Variants in FREM2 observed in about 807,000 individuals in gnomAD.
The protein encoded by FREM2 is FRAS1 related extracellular matrix 2, also known as FRAS1-related extracellular matrix protein 2.
In FREM2, 119 loss-of-function variants were observed where a neutral mutation model predicts 219.9. That is an observed-to-expected ratio of 0.54 (90% CI 0.47 to 0.63). FREM2 has a LOEUF of 0.63. Ranked by LOEUF, FREM2 falls within the 30% of genes least tolerant of loss-of-function variation. FREM2 has a pLI of 0.00. For missense variants in FREM2, 4,030 were observed against 3,993.6 expected, an observed-to-expected ratio of 1.01 and a Z score of -0.25; for synonymous variants, 1,562 against 1,522.8, an observed-to-expected ratio of 1.03 and a Z score of -0.60.
At chr13:38,851,597 C>T in intron 10 of FREM2, 89 bp from the exon 11 acceptor site, 1 of 1,015,878 alleles carries the variant, frequency 9.8e-7, no homozygotes, top group Non-Finnish European at 1.5e-6. Flanking sequence ...GTCATTTATC[C>T]CCTCCCACAT....
At chr13:38,768,678 AT>A (rs1403790088) in intron 3 of FREM2, among the ~76,000 whole-genome samples, 1 of 152,188 alleles carries the variant, frequency 6.6e-6, no homozygotes, top group Middle Eastern at 3.2e-3. Context: ...AACTTGACTC[AT>A]TAAGAGGTTC....
chr13:38,790,355 T>G (rs934280796), intron 6 of FREM2, among the ~76,000 whole-genome samples: 7 of 152,202 alleles, frequency 4.6e-5, no homozygotes, highest in Non-Finnish European at 1.0e-4. Flanking sequence ...CTCATTTAGC[T>G]AGTACTCTAT....
At chr13:38,804,522 C>A (rs547755512) in intron 6 of FREM2, among the ~76,000 whole-genome samples, 2 of 151,958 alleles carry the variant, frequency 1.3e-5, no homozygotes, top group African/African-American at 4.8e-5. Context: ...AAAATATAGG[C>A]CAAGAACTCA....
At chr13:38,875,974 T>C (rs768303280) in intron 18 of FREM2, 48 bp from the exon 19 acceptor site, 2 of 1,547,262 alleles carry the variant, frequency 1.3e-6, no homozygotes, top group East Asian at 4.5e-5. Flanking sequence ...TATGCACTCT[T>C]TTAATTGAAC....
At chr13:38,768,410 A>G (rs768517105) in intron 3 of FREM2, among the ~76,000 whole-genome samples, 3 of 151,944 alleles carry the variant, frequency 2.0e-5, no homozygotes, top group Non-Finnish European at 4.4e-5. Context: ...CCCAGTAGCA[A>G]GGACTACAGG....
intron 6 of FREM2, among the ~76,000 whole-genome samples, chr13:38,786,246 G>A (rs893540632): frequency 2.6e-5 from 4 of 151,996 alleles, no homozygotes; most frequent in South Asian, 2.1e-4. Context: ...CTACCTTTGT[G>A]TATCATTGTG....
At chr13:38,795,999 T>C (rs538096664) in intron 6 of FREM2, among the ~76,000 whole-genome samples, 2 of 146,694 alleles carry the variant, frequency 1.4e-5, no homozygotes, top group Non-Finnish European at 3.1e-5. Context: ...TTCTTTCTTT[T>C]TTCTTTCTTT....
intron 2 of FREM2, among the ~76,000 whole-genome samples, chr13:38,716,799 C>T (rs1304934252): frequency 3.3e-5 from 5 of 152,196 alleles, no homozygotes; most frequent in East Asian, 1.9e-4. Context: ...TGAGCCACCG[C>T]GCCTGGCCTG....
intron 4 of FREM2, among the ~76,000 whole-genome samples, chr13:38,778,233 G>C (rs1873956640): frequency 6.6e-6 from 1 of 152,158 alleles, no homozygotes; most frequent in African/African-American, 2.4e-5. Context: ...AAATGCCACA[G>C]ACTGGGGTGG....
intron 6 of FREM2, among the ~76,000 whole-genome samples, chr13:38,843,089 A>T (rs762306791): frequency 5.3e-5 from 8 of 152,186 alleles, no homozygotes; most frequent in Admixed American, 1.3e-4. Flanking sequence ...CTGCTCACAG[A>T]CAATTTGGAT....
intron 6 of FREM2, among the ~76,000 whole-genome samples, chr13:38,839,737 G>C (rs766639845): frequency 6.6e-6 from 1 of 152,098 alleles, no homozygotes; most frequent in Non-Finnish European, 1.5e-5. Flanking sequence ...GAGCTTCCTG[G>C]AGGCTTTTTT....
At position 38,850,158 on chromosome 13, in the gene FREM2, G is replaced by A. The variant is rs974848109; in HGVS notation, c.6500G>A (p.Arg2167Gln). The change falls in exon 9 of 24, where the codon CGG becomes CAG. Residue 2167 changes from arginine (R) to glutamine (Q), a missense_variant. Arg to Gln is a conservative substitution (Grantham distance 43). Coordinates refer to ENST00000280481, the MANE Select transcript of FREM2 (RefSeq NM_207361.6). ...QYRSSVRCYT[R>Q]QGSAQVMMDF... ...AGATCTTCAGTGAGATGCTACACCC[G>A]GCAGGGGTCTGCACAGGTGATGATG... 25 of 1,613,890 alleles carry A rather than the reference G, an allele frequency of 1.5e-5. No individual in the cohort carries two copies. The highest frequency in any genetic ancestry group is 3.3e-5 in the Admixed American group (2 of 59,994).
At chr13:38,858,988 G>T (rs969887037) in intron 13 of FREM2, among the ~76,000 whole-genome samples, 1 of 122,398 alleles carries the variant, frequency 8.2e-6, no homozygotes, top group African/African-American at 3.0e-5. Context: ...GACAGGAAGC[G>T]GGGGAGGAAA....
intron 2 of FREM2, among the ~76,000 whole-genome samples, chr13:38,708,073 G>A (rs956130952): frequency 4.6e-5 from 7 of 152,108 alleles, no homozygotes; most frequent in African/African-American, 9.7e-5. Flanking sequence ...CTTAAATGAC[G>A]TAACAGATGT....
At chr13:38,860,114 G>A (rs1212590980) in intron 14 of FREM2, among the ~76,000 whole-genome samples, 1 of 152,130 alleles carries the variant, frequency 6.6e-6, no homozygotes, top group Non-Finnish European at 1.5e-5. Flanking sequence ...AAAACCAGGA[G>A]ACAAGGCAAA....
Position 38,824,990 on chromosome 13 carries a change from G to A in FREM2, c.6020-21583G>A, listed in dbSNP as rs531604774. On this transcript the variant is annotated intron_variant, in intron 6 of 23. Transcript: ENST00000280481. ...GAAAAGGTTGGGGGTGGAGGGGGGCGGCGGGCTAGATCAGATCTCCCTCAC... is the reference window on the plus strand; with the variant it reads ...GAAAAGGTTGGGGGTGGAGGGGGGCAGCGGGCTAGATCAGATCTCCCTCAC... 6.7e-4 allele frequency among the ~76,000 whole-genome samples: 102 copies of A among 151,854 alleles called. 1 individual carries two copies. The highest frequency in any genetic ancestry group is 2.8e-4 in the Non-Finnish European group (19 of 67,954).
At chr13:38,774,623 C>G (rs889199631) in intron 4 of FREM2, among the ~76,000 whole-genome samples, 1 of 152,132 alleles carries the variant, frequency 6.6e-6, no homozygotes, top group Non-Finnish European at 1.5e-5. Flanking sequence ...TTCCCTTGCT[C>G]TTTAAAGCAT....
chr13:38,789,995 C>A, intron 6 of FREM2, among the ~76,000 whole-genome samples: 1 of 152,058 alleles, frequency 6.6e-6, no homozygotes, highest in East Asian at 1.9e-4. Context: ...AAAGCCTATA[C>A]AATCCTAGTT....
chr13:38,779,503 C>T (rs1048861625), intron 4 of FREM2: 3 of 152,026 alleles, frequency 2.0e-5, no homozygotes, highest in Non-Finnish European at 2.9e-5. Context: ...ATCTGTGAAG[C>T]GTTTCGTATT....
Sources: allele counts gnomAD v4.1 joint callset (sites outside exome capture counted in the v4.1 genomes callset), GRCh38; gene constraint gnomAD v4.1.1; transcripts MANE v1.5; gene names NCBI Gene and HGNC (gene_info 2026-07-23, HGNC 2026-07-21).